UNC13B: variants seen among roughly 807,000 people sequenced by gnomAD.
The protein encoded by UNC13B is protein unc-13 homolog B.
In UNC13B, 144 loss-of-function variants were observed where a neutral mutation model predicts 211.0. The ratio of observed to expected loss-of-function variants is 0.68; its 90% CI spans 0.60 to 0.78. The LOEUF is 0.78. Ranked by LOEUF, UNC13B falls within the 30% of genes least tolerant of loss-of-function variation. UNC13B has a pLI of 0.00. For synonymous variants in UNC13B, 709 were observed against 725.8 expected (o/e 0.98, Z 0.37); for missense variants, 1,777 against 2,002.0 (o/e 0.89, Z 2.14).
chr9:35,295,978 A>C, intron 8 of UNC13B, 48 bp downstream of exon 8: 121 of 1,522,422 alleles, frequency 7.9e-5, no homozygotes, highest in Non-Finnish European at 9.5e-5. Flanking sequence ...TCCAGGTCTC[A>C]TGATGCAATT....
At chr9:35,223,501 T>C (rs1181895683) in intron 1 of UNC13B, among the ~76,000 whole-genome samples, 1 of 152,180 alleles carries the variant, frequency 6.6e-6, no homozygotes, top group Non-Finnish European at 1.5e-5. Context: ...GAAATGTCTA[T>C]TCAGATCCTT....
Position 35,306,010 on chromosome 9 carries a change from C to T in UNC13B, c.6606C>T (p.Ser2202=), listed in dbSNP as rs1258424778. The T allele has an allele frequency of 2.5e-6, 1 of 398,890 alleles. No homozygotes were observed. Among genetic ancestry groups the T allele is most frequent in the Non-Finnish European group, 4.4e-6 (1 of 226,044 alleles). The allele number at this position is 398,890 out of a possible 1,614,324, so 24.7% of individuals were successfully genotyped here. The part of the protein sequence containing the change: ...LPSFFSTASS[S]IKKDASHSSS... ...CATTTTTTTCCACTGCTAGCTCAAG[C>T]ATTAAGAAGGATGCCTCTCATAGTA... Residue 2202 remains serine, a synonymous_variant, in exon 9 of 40, where the codon AGC becomes AGT. Transcript: ENST00000635942.
chr9:35,361,529 A>G (rs771086825), intron 11 of UNC13B: 1 of 152,210 alleles, frequency 6.6e-6, no homozygotes, highest in Non-Finnish European at 1.5e-5. Flanking sequence ...CCTGAAAGTT[A>G]TAGTTTTCTT....
At chr9:35,401,928 C>T (rs1358429248) in intron 37 of UNC13B, 1 of 1,550,030 alleles carries the variant, frequency 6.5e-7, no homozygotes, top group South Asian at 1.2e-5. Context: ...GCTACTACCT[C>T]TGACTTGCCT....
intron 3 of UNC13B, among the ~76,000 whole-genome samples, chr9:35,232,279 T>G (rs1587425803): frequency 6.8e-6 from 1 of 147,040 alleles, no homozygotes; most frequent in Non-Finnish European, 1.5e-5. Flanking sequence ...CTCCTGGGCT[T>G]GAGCGATCTT....
chr9:35,367,066 AAGCAG>A, intron 12 of UNC13B, 73 bp downstream of exon 12: 1 of 1,435,742 alleles, frequency 7.0e-7, no homozygotes, highest in Non-Finnish European at 9.8e-7. Context: ...TTCCCCTGGG[AAGCAG>A]GGGAACCAGC....
intron 5 of UNC13B, among the ~76,000 whole-genome samples, chr9:35,239,500 G>A (rs558548663): frequency 6.6e-5 from 10 of 152,278 alleles, no homozygotes; most frequent in South Asian, 6.2e-4. Flanking sequence ...GGACTGGGGC[G>A]AAATTAAAAT....
intron 5 of UNC13B, 39 bp from the exon 6 acceptor site, chr9:35,243,252 A>C: frequency 6.3e-7 from 1 of 1,590,118 alleles, no homozygotes; most frequent in Admixed American, 1.7e-5. Flanking sequence ...TTACCTGCTG[A>C]TGTGATTTCT....
chr9:35,209,072 T>TTTGC (rs1163397140), intron 1 of UNC13B, among the ~76,000 whole-genome samples: 5 of 152,196 alleles, frequency 3.3e-5, no homozygotes, highest in Non-Finnish European at 7.3e-5. Context: ...TGTTTGTTTG[T>TTTGC]TTGCTTATTT....
intron 15 of UNC13B, 42 bp downstream of exon 15, chr9:35,376,289 G>A: frequency 1.9e-6 from 3 of 1,595,482 alleles, no homozygotes; most frequent in Non-Finnish European, 2.6e-6. Context: ...TGGGGCAGCA[G>A]GGGCTTTCCA....
At chr9:35,192,249 G>A (rs1822699427) in intron 1 of UNC13B, among the ~76,000 whole-genome samples, 1 of 152,142 alleles carries the variant, frequency 6.6e-6, no homozygotes, top group Non-Finnish European at 1.5e-5. Context: ...GAAAAGTCTG[G>A]GGGTTCCAGT....
At chr9:35,250,957 C>CTTTTTTT (rs35077779) in intron 6 of UNC13B, among the ~76,000 whole-genome samples, 36 of 77,070 alleles carry the variant, frequency 4.7e-4, no homozygotes, top group Middle Eastern at 9.1e-3. Flanking sequence ...GTTACTCTTC[C>CTTTTTTT]TTTTTTTTTT....
intron 7 of UNC13B, among the ~76,000 whole-genome samples, chr9:35,273,391 G>C (rs777507200): frequency 6.6e-6 from 1 of 152,098 alleles, no homozygotes; most frequent in Non-Finnish European, 1.5e-5. Flanking sequence ...TGTCCATTGC[G>C]TTGATATTTG....
chr9:35,251,344 G>T lies in UNC13B; in HGVS notation c.469-7649G>T, dbSNP rs183285496. On this transcript the variant is annotated intron_variant, in intron 6 of 39. Coordinates refer to ENST00000635942, the MANE Select transcript of UNC13B (RefSeq NM_001371189.2). ...CTCATGCCAGTAATCCCAGCACTCT[G>T]GGGGGGCCGAGGTGGTCAGACCACT... Among the ~76,000 whole-genome samples the T allele has an allele frequency of 2.8e-3, 427 of 152,092 alleles. 1 individual carries two copies. Among genetic ancestry groups the T allele is most frequent in the African/African-American group, 3.9e-3 (162 of 41,514 alleles).
chr9:35,375,115 C>T lies in UNC13B; in HGVS notation c.9541-12C>T. ...GCAGTGGTCAGGGCTAACAGCAGAT[C>T]TTCCCTGACAGTCACTGGTCCAGTC... On this transcript the variant is annotated splice_polypyrimidine_tract_variant and intron_variant, in intron 13 of 39. Transcript: ENST00000635942. The T allele has an allele frequency of 1.2e-5, 19 of 1,614,072 alleles. No homozygotes were observed. Among genetic ancestry groups the T allele is most frequent in the Non-Finnish European group, 1.6e-5 (19 of 1,179,940 alleles).
At chr9:35,168,703 C>CT (rs34612376) in intron 1 of UNC13B, among the ~76,000 whole-genome samples, 62,368 of 135,762 alleles carry the variant, frequency 0.46, 14,407 homozygotes, top group South Asian at 0.55. Context: ...GTATTACTTG[C>CT]TTTTTTTTTT....
chr9:35,382,698 G>A (rs151278610), intron 21 of UNC13B, among the ~76,000 whole-genome samples, 191 bp downstream of exon 21: 4,446 of 151,946 alleles, frequency 0.029, 229 homozygotes, highest in African/African-American at 0.1. Flanking sequence ...GAGTAGCTGG[G>A]ATTACAGGCA....
intron 1 of UNC13B, among the ~76,000 whole-genome samples, chr9:35,198,961 T>C (rs1237774608): frequency 6.6e-6 from 1 of 152,176 alleles, no homozygotes; most frequent in East Asian, 1.9e-4. Context: ...GCTGCGCCCG[T>C]TAACTCATCA....
intron 10 of UNC13B, among the ~76,000 whole-genome samples, chr9:35,313,514 A>G (rs561843383): frequency 2.0e-5 from 3 of 152,072 alleles, no homozygotes; most frequent in South Asian, 4.1e-4. Flanking sequence ...AGTCCCAGCT[A>G]TTTGGAAGGC....
Sources: gnomAD v4.1 joint callset for allele counts (sites outside exome capture counted in the v4.1 genomes callset) on GRCh38, gnomAD v4.1.1 for gene constraint, MANE v1.5 for transcripts, NCBI Gene and HGNC (gene_info 2026-07-23, HGNC 2026-07-21) for gene names.